AAK1: variants seen among roughly 807,000 people sequenced by gnomAD.
AAK1 encodes the protein AP2-associated protein kinase 1.
AAK1 carries 37 observed loss-of-function variants against 116.0 expected under a neutral mutation model. The observed-to-expected ratio is 0.32, with a 90% confidence interval of 0.25 to 0.42. AAK1 has a LOEUF of 0.42. Among genes scored for constraint, AAK1 ranks in the 10% least tolerant of loss-of-function variants. The pLI, the probability that AAK1 is intolerant of heterozygous loss-of-function variation, is 1.00. For synonymous variants in AAK1, 458 were observed against 439.9 expected (o/e 1.04, Z -0.51); for missense variants, 919 against 1,170.6 (o/e 0.79, Z 3.14).
intron 4 of AAK1, among the ~76,000 whole-genome samples, chr2:69,543,932 A>G (rs1269176510): frequency 1.3e-5 from 2 of 152,222 alleles, no homozygotes; most frequent in Non-Finnish European, 2.9e-5. Flanking sequence ...TAACAGCTGC[A>G]TCATTTGAAT....
At chr2:69,561,168 T>C (rs1390259496) in intron 2 of AAK1, among the ~76,000 whole-genome samples, 2 of 152,144 alleles carry the variant, frequency 1.3e-5, no homozygotes, top group Non-Finnish European at 2.9e-5. Context: ...CTTTAGATAA[T>C]CTCCGAGCCT....
intron 14 of AAK1, among the ~76,000 whole-genome samples, chr2:69,508,585 C>A (rs1032957362): frequency 6.6e-6 from 1 of 152,124 alleles, no homozygotes; most frequent in East Asian, 1.9e-4. Flanking sequence ...CAAACCAGTT[C>A]GGTCAGACAT....
At position 69,586,987 on chromosome 2, in the gene AAK1, T is replaced by C. The variant is rs190312306; in HGVS notation, c.164-30009A>G. On this transcript the variant is annotated intron_variant, in intron 2 of 21. Coordinates refer to ENST00000409085, the MANE Select transcript of AAK1 (RefSeq NM_014911.5). Reference sequence around the variant, plus strand: ...TTCTAATCTTCAAGGAACAAGGGACTTGAGGCTGGGTCCTTCTTCCATATC... The same window carrying C: ...TTCTAATCTTCAAGGAACAAGGGACCTGAGGCTGGGTCCTTCTTCCATATC... Among the ~76,000 whole-genome samples, 32 of 152,258 alleles carry C rather than the reference T, an allele frequency of 2.1e-4. 1 individual carries two copies.
At position 69,468,920 on chromosome 2, in the gene AAK1, T is replaced by C; in HGVS notation, c.*6949A>G. 1 of 985,448 alleles carries C rather than the reference T, an allele frequency of 1.0e-6. No individual in the cohort carries two copies. Among genetic ancestry groups the C allele is most frequent in the South Asian group, 4.7e-5 (1 of 21,294 alleles). 61.0% of individuals were successfully genotyped at this position (985,448 alleles called of 1,614,324 possible). On this transcript the variant is annotated 3_prime_UTR_variant, in exon 22 of 22. Transcript: ENST00000409085. ...CTCAGAGCATATTCTATGACCTTCA[T>C]GATGAGTACTGGGAAAATCAGACTT...
rs1242901508 is a variant in AAK1, at chr2:69,459,669, T to A, written c.*16200A>T. 3 of 152,222 alleles carry A rather than the reference T, an allele frequency of 2.0e-5. No homozygotes were observed. The allele number at this position is 152,222 out of a possible 1,614,324, so 9.4% of individuals were successfully genotyped here. A position where few individuals can be genotyped will look rare whatever the true frequency, so the allele number is the denominator to read the frequency against. On this transcript the variant is annotated 3_prime_UTR_variant, in exon 22 of 22. Coordinates refer to ENST00000409085, the MANE Select transcript of AAK1 (RefSeq NM_014911.5). The stretch of plus-strand genomic sequence containing the variant: ...ATTAAAGTTAACATGATCATTCAAC[T>A]GTGCCATTCATCATGCACTTATTGA...
chr2:69,638,017 T>C (rs1172460669), intron 2 of AAK1, among the ~76,000 whole-genome samples: 2 of 152,264 alleles, frequency 1.3e-5, no homozygotes, highest in African/African-American at 4.8e-5. Flanking sequence ...GATTTGGCTA[T>C]ATTTAGCAAA....
chr2:69,576,332 T>A (rs190274662), intron 2 of AAK1, among the ~76,000 whole-genome samples: 2 of 142,496 alleles, frequency 1.4e-5, no homozygotes, highest in East Asian at 3.9e-4. Flanking sequence ...ATGCTTGAGG[T>A]TTTTTTTTTC....
intron 2 of AAK1, among the ~76,000 whole-genome samples, chr2:69,587,314 TAC>T (rs1391561131): frequency 6.7e-6 from 1 of 149,974 alleles, no homozygotes; most frequent in African/African-American, 2.5e-5. Context: ...CATGTATATA[TAC>T]GCACATATAT....
chr2:69,538,740 C>T (rs773424181), intron 5 of AAK1, among the ~76,000 whole-genome samples: 1 of 151,978 alleles, frequency 6.6e-6, no homozygotes, highest in Non-Finnish European at 1.5e-5. Context: ...AAATTAGCCA[C>T]GCGTGGTGGC....
Position 69,482,705 on chromosome 2 carries a change from C to T in AAK1, c.2467+6G>A, listed in dbSNP as rs981693354. Reference sequence around the variant, plus strand: ...ATGACTGAAGAAACAGAGATGATGACTTTACCAATTACAGCATCAGAAGTG... The same window carrying T: ...ATGACTGAAGAAACAGAGATGATGATTTTACCAATTACAGCATCAGAAGTG... On this transcript the variant is annotated splice_donor_region_variant and intron_variant, in intron 18 of 21. Coordinates refer to ENST00000409085, the MANE Select transcript of AAK1 (RefSeq NM_014911.5). 2.5e-6 allele frequency: 4 copies of T among 1,595,498 alleles called. No homozygotes were observed. The highest frequency in any genetic ancestry group is 3.4e-6 in the Non-Finnish European group (4 of 1,163,292).
At chr2:69,498,583 T>C (rs1013736770) in intron 16 of AAK1, among the ~76,000 whole-genome samples, 8 of 151,478 alleles carry the variant, frequency 5.3e-5, no homozygotes, top group Admixed American at 4.6e-4. Context: ...CAGCATCTCT[T>C]GAATACACTC....
chr2:69,474,800 G>A lies in AAK1; in HGVS notation c.*1069C>T. Reference sequence around the variant, plus strand: ...TAGGATTGTTGTGTAGTTATACAAGGGAAAGAAATCAAAACCCTGTACAGA... The same window carrying A: ...TAGGATTGTTGTGTAGTTATACAAGAGAAAGAAATCAAAACCCTGTACAGA... On this transcript the variant is annotated 3_prime_UTR_variant, in exon 22 of 22. Coordinates refer to ENST00000409085, the MANE Select transcript of AAK1 (RefSeq NM_014911.5). 1 of 985,642 alleles carries A rather than the reference G, an allele frequency of 1.0e-6. No homozygotes were observed. The highest frequency in any genetic ancestry group is 1.2e-6 in the Non-Finnish European group (1 of 829,882). The allele number at this position is 985,642 out of a possible 1,614,324, so 61.1% of individuals were successfully genotyped here. A position where few individuals can be genotyped will look rare whatever the true frequency, so the allele number is the denominator to read the frequency against.
At chr2:69,479,242 T>G (rs186718371) in intron 19 of AAK1, among the ~76,000 whole-genome samples, 181 bp from the exon 20 acceptor site, 1 of 151,524 alleles carries the variant, frequency 6.6e-6, no homozygotes, top group Non-Finnish European at 1.5e-5. Flanking sequence ...ATCTGTATCA[T>G]GAGATTAGAT....
At chr2:69,493,221 T>C (rs1360182378) in intron 17 of AAK1, among the ~76,000 whole-genome samples, 1 of 149,646 alleles carries the variant, frequency 6.7e-6, no homozygotes, top group East Asian at 2.0e-4. Flanking sequence ...CTGAATGTGC[T>C]AGAGGCTGAA....
At chr2:69,581,443 A>G (rs1312216837) in intron 2 of AAK1, among the ~76,000 whole-genome samples, 1 of 152,194 alleles carries the variant, frequency 6.6e-6, no homozygotes, top group Non-Finnish European at 1.5e-5. Flanking sequence ...GTGGCATTGT[A>G]GAGTGAATGT....
intron 17 of AAK1, among the ~76,000 whole-genome samples, chr2:69,484,096 T>C (rs1675198807): frequency 2.0e-5 from 3 of 152,236 alleles, no homozygotes; most frequent in Admixed American, 2.0e-4. Context: ...CAACGTTCTT[T>C]TAAACCATGG....
At chr2:69,522,443 A>G (rs552956638) in intron 10 of AAK1, among the ~76,000 whole-genome samples, 4 of 152,316 alleles carry the variant, frequency 2.6e-5, no homozygotes, top group African/African-American at 9.6e-5. Flanking sequence ...CTTGGGGGCT[A>G]GAACCTGGGC....
At chr2:69,572,181 C>T (rs1672116503) in intron 2 of AAK1, among the ~76,000 whole-genome samples, 1 of 152,170 alleles carries the variant, frequency 6.6e-6, no homozygotes, top group Non-Finnish European at 1.5e-5. Context: ...GGGAGTGAGG[C>T]ACTTGCCCTG....
At chr2:69,633,948 T>A (rs997642529) in intron 2 of AAK1, among the ~76,000 whole-genome samples, 3 of 152,158 alleles carry the variant, frequency 2.0e-5, no homozygotes, top group Admixed American at 6.5e-5. Flanking sequence ...GGCAGGTGGA[T>A]CACTTGAGGT....
Sources: allele counts gnomAD v4.1 joint callset (sites outside exome capture counted in the v4.1 genomes callset), GRCh38; gene constraint gnomAD v4.1.1; transcripts MANE v1.5; gene names NCBI Gene and HGNC (gene_info 2026-07-23, HGNC 2026-07-21).